The following ADSS1 variants were observed in gnomAD, a reference collection of about 807,000 sequenced individuals.
ADSS1 encodes adenylosuccinate synthetase isozyme 1.
Under a neutral mutation model 59.1 loss-of-function variants are expected in ADSS1, and 57 were observed. The observed-to-expected ratio is 0.97, with a 90% CI of 0.78 to 1.20. The LOEUF (loss-of-function observed/expected upper bound fraction) is 1.20. Among genes scored for constraint, ADSS1 ranks in the 50% most tolerant of loss-of-function variants. ADSS1 has a pLI of 0.00. For missense variants in ADSS1, 603 were observed against 610.3 expected (o/e 0.99, Z 0.13); for synonymous variants, 247 against 249.4 (o/e 0.99, Z 0.09).
chr14:104,746,975 CAA>C lies in ADSS1; in HGVS notation c.1347_1348del (p.Glu451ValfsTer11). 3.1e-6 allele frequency: 5 copies of C among 1,614,080 alleles called. No homozygotes were observed. The South Asian group carries it at 5.5e-5, about 18-fold the overall frequency. Reference sequence around the variant, plus strand: ...GTCAAATGGGTTGGTGTTGGCAAGTCAAGAGAGTCGATGATCCAGCTGTTTTA... The same window carrying C: ...GTCAAATGGGTTGGTGTTGGCAAGTCGAGAGTCGATGATCCAGCTGTTTTA... On this transcript the variant is annotated frameshift_variant, in exon 13 of 13. Transcript: ENST00000330877. LOFTEE classifies it high-confidence loss of function.
chr14:104,724,368 T>C lies in ADSS1; in HGVS notation c.98T>C (p.Val33Ala). The change falls in exon 1 of 13, where the codon GTG (valine) becomes GCG (alanine). Residue 33 changes from valine (V) to alanine (A), a missense_variant. Transcript: ENST00000330877. ...GAGGCGGCGGCGACCGGCTCCCGCG[T>C]GACGGTGGTGCTGGGCGCGCAGTGG... The part of the protein sequence containing the change: ...QQEAAATGSR[V>A]TVVLGAQWGD... The C allele has an allele frequency of 1.6e-6, 2 of 1,251,404 alleles. No homozygotes were observed. Among genetic ancestry groups the C allele is most frequent in the Non-Finnish European group, 1.0e-6 (1 of 992,838 alleles). The allele number at this position is 1,251,404 out of a possible 1,614,324, so 77.5% of individuals were successfully genotyped here.
rs2140808995 is a variant in ADSS1 at position 104,740,651 on chromosome 14, C to T, written c.527C>T (p.Ala176Val). Residue 176 changes from alanine (A) to valine (V), a missense_variant, in exon 6 of 13, where the codon GCC becomes GTC. Ala to Val is a moderately conservative substitution (Grantham distance 64). Transcript: ENST00000330877. This position sits in a 1 kb window ranked among gnomAD's most constrained non-coding sequence, Gnocchi z 4.8. ...GGACCAACCTACTCTTCCAAAGCTGCCCGGACAGGCCTCCGCATCTGCGAC... is the reference window on the plus strand; with the variant it reads ...GGACCAACCTACTCTTCCAAAGCTGTCCGGACAGGCCTCCGCATCTGCGAC... ...GIGPTYSSKAARTGLRICDLL... is the reference protein window; with the variant it reads ...GIGPTYSSKAVRTGLRICDLL... 1 of 1,613,968 alleles carries T rather than the reference C, an allele frequency of 6.2e-7. No individual in the cohort carries two copies. The highest frequency in any genetic ancestry group is 2.2e-5 in the East Asian group (1 of 44,866).
Position 104,739,803 on chromosome 14 carries a change from CAA to C in ADSS1, c.464_465del (p.Gln155ArgfsTer35), listed in dbSNP as rs756530101. The C allele has an allele frequency of 1.2e-6, 2 of 1,613,858 alleles. No homozygotes were observed. Among genetic ancestry groups the C allele is most frequent in the Admixed American group, 1.7e-5 (1 of 60,018 alleles). ...DGLQEVQRQA[Q>X]EGKNIGTTKK... ...ACTTCAGGAAGTGCAGCGCCAGGCACAAGAGGGGAAGAAGTAAGTCTGCCGGG... is the reference window on the plus strand; with the variant it reads ...ACTTCAGGAAGTGCAGCGCCAGGCACGAGGGGAAGAAGTAAGTCTGCCGGG... On this transcript the variant is annotated frameshift_variant, in exon 5 of 13. Coordinates refer to ENST00000330877, the MANE Select transcript of ADSS1 (RefSeq NM_152328.5). LOFTEE classifies it high-confidence loss of function.
Position 104,724,235 on chromosome 14 carries a change from C to G in ADSS1, c.-36C>G, listed in dbSNP as rs914227583. On this transcript the variant is annotated 5_prime_UTR_variant, in exon 1 of 13. Coordinates refer to ENST00000330877, the MANE Select transcript of ADSS1 (RefSeq NM_152328.5). ...CGCGGACGCCGGCGGCGGCGGGCTC[C>G]TGGCCGGGCCAGCGCAGCGGAAGAG... 2.5e-6 allele frequency: 3 copies of G among 1,221,894 alleles called. No homozygotes were observed. The highest frequency in any genetic ancestry group is 3.1e-5 in the African/African-American group (2 of 63,874). The allele number at this position is 1,221,894 out of a possible 1,614,324, so 75.7% of individuals were successfully genotyped here.
chr14:104,724,318 C>T lies in ADSS1; in HGVS notation c.48C>T (p.Gly16=). The change falls in exon 1 of 13, where the codon GGC becomes GGT. Residue 16 remains glycine (G), a synonymous_variant. Transcript: ENST00000330877. ...ACGACCGGCCCCCCGGCGCAGGCGGCGTCAAGCGGGGGCGGCTGCAGCAGG... is the reference window on the plus strand; with the variant it reads ...ACGACCGGCCCCCCGGCGCAGGCGGTGTCAAGCGGGGGCGGCTGCAGCAGG... ...ASNDRPPGAG[G]VKRGRLQQEA... is the part of the protein sequence containing the mutation. 1 of 1,237,286 alleles carries T rather than the reference C, an allele frequency of 8.1e-7. No homozygotes were observed. The highest frequency in any genetic ancestry group is 1.0e-6 in the Non-Finnish European group (1 of 987,916). 76.6% of individuals were successfully genotyped at this position (1,237,286 alleles called of 1,614,324 possible). A position where few individuals can be genotyped will look rare whatever the true frequency, so the allele number is the denominator to read the frequency against.
intron 1 of ADSS1, among the ~76,000 whole-genome samples, chr14:104,728,996 G>A (rs1176051637): frequency 6.6e-6 from 1 of 152,236 alleles, no homozygotes; most frequent in Non-Finnish European, 1.5e-5. Context: ...CGTCAGACAT[G>A]CAGTCCGCTA....
Position 104,740,465 on chromosome 14 carries a change from A to G in ADSS1, c.477-136A>G. 1 of 754,248 alleles carries G rather than the reference A, an allele frequency of 1.3e-6. No homozygotes were observed. The highest frequency in any genetic ancestry group is 2.2e-6 in the Non-Finnish European group (1 of 446,950). 46.7% of individuals were successfully genotyped at this position (754,248 alleles called of 1,614,324 possible). On this transcript the variant is annotated intron_variant, in intron 5 of 12. Transcript: ENST00000330877. This position sits in a 1 kb window ranked among gnomAD's most constrained non-coding sequence, Gnocchi z 4.8. ...AGTGCGTACACCCACACACGCACAC[A>G]CTCACAGCTCAGCCAGACACAGGCA...
intron 1 of ADSS1, among the ~76,000 whole-genome samples, chr14:104,726,007 G>A (rs1217748327): frequency 2.6e-5 from 4 of 151,872 alleles, no homozygotes; most frequent in African/African-American, 4.8e-5. Context: ...CCACAGCCCC[G>A]CTCACTCGCA....
intron 1 of ADSS1, 33 bp downstream of exon 1, chr14:104,724,495 C>T: frequency 9.0e-7 from 1 of 1,116,238 alleles, no homozygotes. Flanking sequence ...CCTCCCCCAC[C>T]GCCCAGCGAG....
At chr14:104,739,100 G>A (rs1891232695) in intron 3 of ADSS1, among the ~76,000 whole-genome samples, 1 of 152,166 alleles carries the variant, frequency 6.6e-6, no homozygotes, top group Non-Finnish European at 1.5e-5. Context: ...GCACGAGAGT[G>A]GGCATCCTGG....
chr14:104,733,995 G>T (rs1595200127), intron 1 of ADSS1, among the ~76,000 whole-genome samples: 1 of 152,238 alleles, frequency 6.6e-6, no homozygotes, highest in South Asian at 2.1e-4. Context: ...GTCACACTGG[G>T]CCTACAGGGG....
chr14:104,744,038 G>A (rs910591789), intron 10 of ADSS1, among the ~76,000 whole-genome samples: 4 of 141,820 alleles, frequency 2.8e-5, no homozygotes, highest in Admixed American at 7.0e-5. Flanking sequence ...GCCTGGTGCC[G>A]AAGATGGACC....
intron 1 of ADSS1, among the ~76,000 whole-genome samples, chr14:104,728,309 G>C (rs1178275422): frequency 6.6e-6 from 1 of 152,084 alleles, no homozygotes; most frequent in African/African-American, 2.4e-5. Flanking sequence ...CTGCACTGTT[G>C]ATGGTGCTGG....
At chr14:104,745,905 C>A in intron 11 of ADSS1, 1 of 153,482 alleles carries the variant, frequency 6.5e-6, no homozygotes, top group Non-Finnish European at 1.2e-5. Flanking sequence ...TCCCTTAGTG[C>A]TTCAGGATTC....
chr14:104,727,011 A>C (rs1661309082), intron 1 of ADSS1, among the ~76,000 whole-genome samples: 1 of 152,088 alleles, frequency 6.6e-6, no homozygotes, highest in Non-Finnish European at 1.5e-5. Context: ...CAGAGCCATC[A>C]CTTCGAGCCC....
intron 1 of ADSS1, among the ~76,000 whole-genome samples, chr14:104,732,498 C>T (rs1890967221): frequency 6.6e-6 from 1 of 152,204 alleles, no homozygotes; most frequent in Non-Finnish European, 1.5e-5. Flanking sequence ...CCTGAGCTGG[C>T]TCCTGCTCCC....
intron 3 of ADSS1, among the ~76,000 whole-genome samples, chr14:104,738,972 G>T (rs555060265): frequency 2.6e-5 from 4 of 152,186 alleles, no homozygotes; most frequent in African/African-American, 9.7e-5. Flanking sequence ...GCACCAGGGG[G>T]TACCCAGACT....
chr14:104,740,845 G>T lies in ADSS1; in HGVS notation c.591G>T (p.Lys197Asn). ...SDFDEFSSRF[K>N]NLAHQHQSMF... is the part of the protein sequence containing the mutation. Reference sequence around the variant, plus strand: ...ATGACTGTCCCTTGTGCAGATTCAAGAACCTGGCCCACCAGCACCAGTCGA... The same window carrying T: ...ATGACTGTCCCTTGTGCAGATTCAATAACCTGGCCCACCAGCACCAGTCGA... Residue 197 changes from lysine to asparagine, a missense_variant, in exon 7 of 13, where the codon AAG (lysine) becomes AAT (asparagine). Physicochemically the swap from Lys to Asn is moderately conservative, Grantham distance 94. Transcript: ENST00000330877. This position sits in a 1 kb window ranked among gnomAD's most constrained non-coding sequence, Gnocchi z 4.8. The T allele has an allele frequency of 6.2e-7, 1 of 1,613,872 alleles. No homozygotes were observed. The highest frequency in any genetic ancestry group is 8.5e-7 in the Non-Finnish European group (1 of 1,179,990).
In ADSS1 at chr14:104,741,885, G is replaced by A. The variant is rs1891372199; in HGVS notation, c.831G>A (p.Val277=). The A allele has an allele frequency of 1.2e-6, 2 of 1,613,470 alleles. No homozygotes were observed. The highest frequency in any genetic ancestry group is 4.5e-5 in the East Asian group (2 of 44,882). ...YPFVTSSNCT[V]GGVCTGLGIP... is the part of the protein sequence containing the mutation. ...TTGTGACTTCATCCAACTGCACCGT[G>A]GGCGGTGTGTGCACGGGCCTGGGCA... The change falls in exon 9 of 13, where the codon GTG becomes GTA. Residue 277 remains valine, a synonymous_variant. Coordinates refer to ENST00000330877, the MANE Select transcript of ADSS1 (RefSeq NM_152328.5).
Sources: allele counts gnomAD v4.1 joint callset (sites outside exome capture counted in the v4.1 genomes callset), GRCh38; gene constraint gnomAD v4.1.1; non-coding constraint Gnocchi (gnomAD v3.1); transcripts MANE v1.5; gene names NCBI Gene and HGNC (gene_info 2026-07-23, HGNC 2026-07-21).